The following RAB40A variants were observed in gnomAD, a reference collection of about 807,000 sequenced individuals.
The protein encoded by RAB40A is RAB40A, member RAS oncogene family, also known as ras-related protein Rab-40A.
For missense variants in RAB40A, 145 were observed against 230.2 expected, an observed-to-expected ratio of 0.63 and a Z score of 2.40; for synonymous variants, 65 against 99.9, an observed-to-expected ratio of 0.65 and a Z score of 2.08.
At chrX:103,503,753 AG>A (rs2073240851) in intron 2 of RAB40A, among the ~76,000 whole-genome samples, 2 of 111,102 alleles carry the variant, frequency 1.8e-5, no homozygotes, top group African/African-American at 6.6e-5. Flanking sequence ...TCTGTGTATT[AG>A]TCATGTTCTG....
At chrX:103,498,194 T>C (rs754160600), downstream of RAB40A, among the ~76,000 whole-genome samples, 3 of 111,709 alleles carry the variant, frequency 2.7e-5, no homozygotes, top group Non-Finnish European at 5.6e-5. Flanking sequence ...CCGATCTGCA[T>C]GTGTTTGGGG....
intron 1 of RAB40A, among the ~76,000 whole-genome samples, chrX:103,517,759 G>T (rs750095497): frequency 8.9e-6 from 1 of 111,900 alleles, no homozygotes; most frequent in South Asian, 3.7e-4. Context: ...AGAACAAATT[G>T]TAACAGCAGA....
chrX:103,509,748 T>A, intron 2 of RAB40A, among the ~76,000 whole-genome samples: 1 of 105,625 alleles, frequency 9.5e-6, no homozygotes, highest in Middle Eastern at 4.8e-3. Flanking sequence ...TTTTTCATTA[T>A]GACCAGTTTT....
In RAB40A at chrX:103,519,404, G is replaced by A. The variant is rs745752084; in HGVS notation, c.-257C>T. ...GTAGCCAGTCCACCTCCATGTGCTT[G>A]ATACAGTTGACACTTCTTACCCTAC... On this transcript the variant is annotated 5_prime_UTR_variant, in exon 1 of 3. Coordinates refer to ENST00000304236, the MANE Select transcript of RAB40A (RefSeq NM_080879.3). The A allele has an allele frequency of 5.4e-5, 6 of 111,843 alleles. No homozygotes were observed. The highest frequency in any genetic ancestry group is 3.7e-4 in the South Asian group (1 of 2,703). 9.2% of individuals were successfully genotyped at this position (111,843 alleles called of 1,213,427 possible).
intron 2 of RAB40A, 60 bp from the exon 3 acceptor site, chrX:103,500,886 C>G: frequency 9.5e-7 from 1 of 1,057,968 alleles, no homozygotes; most frequent in Non-Finnish European, 1.2e-6. Flanking sequence ...TGAAATAAAG[C>G]GAAATGAGGT....
At chrX:103,495,369 ACTT>A (rs1318828203), downstream of RAB40A, among the ~76,000 whole-genome samples, 1 of 111,296 alleles carries the variant, frequency 9.0e-6, no homozygotes, top group Non-Finnish European at 1.9e-5. Context: ...GGATAATTTG[ACTT>A]CTTCTTTTCC....
At chrX:103,511,134 A>G (rs968613314) in intron 2 of RAB40A, among the ~76,000 whole-genome samples, 9 of 111,496 alleles carry the variant, frequency 8.1e-5, no homozygotes, top group Non-Finnish European at 1.5e-4. Flanking sequence ...ACCAACCCGA[A>G]TGCCCATCAA....
At chrX:103,514,928 T>C (rs979152142) in intron 2 of RAB40A, among the ~76,000 whole-genome samples, 2 of 112,199 alleles carry the variant, frequency 1.8e-5, no homozygotes, top group African/African-American at 6.5e-5. Flanking sequence ...CATTATACTC[T>C]GTATGTATGC....
At chrX:103,497,682 G>A (rs2073187708), downstream of RAB40A, 1 of 111,770 alleles carries the variant, frequency 8.9e-6, no homozygotes, top group Non-Finnish European at 1.9e-5. Flanking sequence ...AGCATGTTGT[G>A]GTCCAGCTCT....
intron 2 of RAB40A, among the ~76,000 whole-genome samples, chrX:103,506,272 C>G (rs2073254317): frequency 9.0e-6 from 1 of 111,225 alleles, no homozygotes. Flanking sequence ...ATCCCTTACT[C>G]CCTTCCCTCC....
chrX:103,499,917 C>T lies in RAB40A; in HGVS notation c.*6G>A. 1 of 1,210,236 alleles carries T rather than the reference C, an allele frequency of 8.3e-7. No homozygotes were observed. The highest frequency in any genetic ancestry group is 1.1e-6 in the Non-Finnish European group (1 of 893,956). ...GATTCCAGCTTGTTTCCTTTTGGTG[C>T]CTTCCTTAAGAAATTTTGCAGCTGT... On this transcript the variant is annotated 3_prime_UTR_variant, in exon 3 of 3. Transcript: ENST00000304236.
rs1276797583 is a variant in RAB40A at position 103,505,209 on chromosome X, A to AT, written c.-70-4384dup. ...TGGCAACATTAAAATGAGCATTCTA[A>AT]TTGTGGTAGAGTATTTCATTTTATG... is the stretch of plus-strand genomic sequence containing the variant. On this transcript the variant is annotated intron_variant, in intron 2 of 2. Coordinates refer to ENST00000304236, the MANE Select transcript of RAB40A (RefSeq NM_080879.3). Among the ~76,000 whole-genome samples, 5 of 112,329 alleles carry AT rather than the reference A, an allele frequency of 4.5e-5. No homozygotes were observed. In the East Asian group the frequency reaches 1.1e-3, roughly 25 times the overall value.
Position 103,500,764 on chromosome X carries a change from GC to G in RAB40A, c.-9del. 1 of 1,205,607 alleles carries G rather than the reference GC, an allele frequency of 8.3e-7. No individual in the cohort carries two copies. The highest frequency in any genetic ancestry group is 3.0e-5 in the East Asian group (1 of 33,796). On this transcript the variant is annotated 5_prime_UTR_variant, in exon 3 of 3. Transcript: ENST00000304236. ...GCTGCCCGGGGCGCTCATGGTGCTG[GC>G]CCCGCACTCCCGCCTGAGCCAGGCC...
chrX:103,509,289 A>ATCTCTCTCTCTCTCTCTCTCTCTCTC (rs373450734), intron 2 of RAB40A, among the ~76,000 whole-genome samples: 1 of 86,113 alleles, frequency 1.2e-5, no homozygotes, highest in African/African-American at 4.3e-5. Flanking sequence ...CAGCCACAGG[A>ATCTCTCTCTCTCTCTCTCTCTCTCTC]TCTCTCTCTC....
intron 1 of RAB40A, among the ~76,000 whole-genome samples, chrX:103,518,592 T>G (rs1333034646): frequency 9.0e-6 from 1 of 111,255 alleles, no homozygotes; most frequent in African/African-American, 3.3e-5. Flanking sequence ...TGGACAAAGA[T>G]GAAGCAATTT....
rs2073260944 is a variant in RAB40A, at chrX:103,507,340, C to G, written c.-70-6514G>C. Among the ~76,000 whole-genome samples, 3 of 111,865 alleles carry G rather than the reference C, an allele frequency of 2.7e-5. No individual in the cohort carries two copies. The Admixed American group carries it at 2.8e-4, about 11-fold the overall frequency. ...GTTACCAAGTATGTTTCACAAATCA[C>G]AGCTACTAACCCAGTATCTGAGATG... On this transcript the variant is annotated intron_variant, in intron 2 of 2. Transcript: ENST00000304236.
At chrX:103,511,628 A>G (rs1173908282) in intron 2 of RAB40A, among the ~76,000 whole-genome samples, 2 of 110,985 alleles carry the variant, frequency 1.8e-5, no homozygotes, top group Non-Finnish European at 3.8e-5. Context: ...GTTCTCACTC[A>G]TAAGTGGGAG....
At chrX:103,505,530 A>T (rs1271380574) in intron 2 of RAB40A, among the ~76,000 whole-genome samples, 1 of 111,877 alleles carries the variant, frequency 8.9e-6, no homozygotes, top group African/African-American at 3.2e-5. Flanking sequence ...GTAGTATCTC[A>T]TGACAATTTT....
At chrX:103,498,076 G>A (rs6523732), downstream of RAB40A, among the ~76,000 whole-genome samples, 14,797 of 111,282 alleles carry the variant, frequency 0.13, 2,485 homozygotes, top group African/African-American at 0.46. Flanking sequence ...CCAGTAAGGT[G>A]GGCATGCGGG....
Sources: allele counts gnomAD v4.1 joint callset (sites outside exome capture counted in the v4.1 genomes callset), GRCh38; gene constraint gnomAD v4.1.1; transcripts MANE v1.5; gene names NCBI Gene and HGNC (gene_info 2026-07-23, HGNC 2026-07-21).